The following SDK1 variants were observed in gnomAD, a reference collection of about 807,000 sequenced individuals.
SDK1 encodes the protein protein sidekick-1.
Under a neutral mutation model 245.5 loss-of-function variants are expected in SDK1, and 157 were observed. That is an observed-to-expected ratio of 0.64 (90% CI 0.56 to 0.73). The LOEUF (loss-of-function observed/expected upper bound fraction) is 0.73, where lower values mean the gene tolerates loss of function less well. SDK1 is among the 30% of genes least tolerant of loss of function. The pLI is 0.00. For missense variants in SDK1, 3,583 were observed against 3,002.3 expected (o/e 1.19, Z -4.52); for synonymous variants, 1,647 against 1,278.5 (o/e 1.29, Z -6.15).
chr7:3,664,772 T>C (rs1783476499), intron 4 of SDK1, among the ~76,000 whole-genome samples: 1 of 151,276 alleles, frequency 6.6e-6, no homozygotes. Flanking sequence ...GAACTAGCAA[T>C]AGTCTGATAG....
In SDK1 at chr7:4,165,608, G is replaced by A. The variant is rs146497129; in HGVS notation, c.4800+3752G>A. On this transcript the variant is annotated intron_variant, in intron 32 of 44. Coordinates refer to ENST00000404826, the MANE Select transcript of SDK1 (RefSeq NM_152744.4). The stretch of plus-strand genomic sequence containing the variant: ...GAGTTCAGGTGATTCTTCTGCCTCA[G>A]CCTTCTAAGTAGCTGGGATTACAGG... Among the ~76,000 whole-genome samples, 897 of 152,170 alleles carry A rather than the reference G, an allele frequency of 5.9e-3. 12 individuals are homozygous for A. The highest frequency in any genetic ancestry group is 0.021 in the African/African-American group (856 of 41,518).
At chr7:4,134,708 T>C (rs2128201139) in intron 28 of SDK1, 1 of 152,386 alleles carries the variant, frequency 6.6e-6, no homozygotes, top group South Asian at 2.1e-4. Context: ...TCCCGGCAAG[T>C]CCTCACTCTA....
intron 1 of SDK1, among the ~76,000 whole-genome samples, chr7:3,456,136 T>G (rs1444779440): frequency 3.3e-5 from 5 of 152,350 alleles, no homozygotes; most frequent in Middle Eastern, 3.4e-3. Flanking sequence ...CAGTGTTGTT[T>G]TTCTCACTGA....
intron 1 of SDK1, among the ~76,000 whole-genome samples, chr7:3,469,214 G>C (rs1161097796): frequency 6.6e-6 from 1 of 152,154 alleles, no homozygotes; most frequent in Non-Finnish European, 1.5e-5. Context: ...CTTCAAGCCA[G>C]AAGTTCGAGA....
intron 4 of SDK1, among the ~76,000 whole-genome samples, chr7:3,762,725 G>T (rs1780142800): frequency 6.6e-6 from 1 of 152,154 alleles, no homozygotes; most frequent in African/African-American, 2.4e-5. Flanking sequence ...AACCAAATAT[G>T]TTTTAATTAG....
intron 19 of SDK1, among the ~76,000 whole-genome samples, chr7:4,057,512 C>T (rs116464905): frequency 6.6e-6 from 1 of 152,194 alleles, no homozygotes; most frequent in Admixed American, 6.5e-5. Flanking sequence ...ACCACTGCTA[C>T]TGTCACTGCC....
intron 34 of SDK1, among the ~76,000 whole-genome samples, chr7:4,177,341 A>G (rs577298888): frequency 8.5e-5 from 13 of 152,344 alleles, no homozygotes; most frequent in African/African-American, 2.4e-4. Flanking sequence ...AGCAGTGTTA[A>G]CCAGTGGGAG....
intron 5 of SDK1, among the ~76,000 whole-genome samples, chr7:3,844,342 G>A (rs1485483077): frequency 6.6e-6 from 1 of 152,154 alleles, no homozygotes; most frequent in East Asian, 1.9e-4. Context: ...TCTTTAATTA[G>A]GTTTAGGTAA....
intron 20 of SDK1, among the ~76,000 whole-genome samples, chr7:4,070,291 C>T (rs141721312): frequency 2.0e-4 from 31 of 152,304 alleles, no homozygotes; most frequent in African/African-American, 6.5e-4. Context: ...CCTCATTTCC[C>T]GGTTCACTTT....
chr7:3,583,151 C>T (rs1377250434), intron 1 of SDK1, among the ~76,000 whole-genome samples: 2 of 152,162 alleles, frequency 1.3e-5, no homozygotes, highest in East Asian at 1.9e-4. Flanking sequence ...CTGGTTCCTG[C>T]GTGTAGGCCA....
chr7:3,716,959 T>C (rs1291923194), intron 4 of SDK1, among the ~76,000 whole-genome samples: 1 of 152,146 alleles, frequency 6.6e-6, no homozygotes, highest in African/African-American at 2.4e-5. Flanking sequence ...ACTTTTCACT[T>C]CATGAGTTTC....
chr7:3,352,035 G>A (rs1026164084), intron 1 of SDK1, among the ~76,000 whole-genome samples: 7 of 151,390 alleles, frequency 4.6e-5, no homozygotes, highest in African/African-American at 7.3e-5. Context: ...TTTTTCTTAC[G>A]GAATTATAGA....
At chr7:4,142,282 A>G (rs1424255315) in intron 28 of SDK1, among the ~76,000 whole-genome samples, 1 of 151,910 alleles carries the variant, frequency 6.6e-6, no homozygotes, top group African/African-American at 2.4e-5. Context: ...ACACTGGGTT[A>G]CACATCATTC....
At position 4,035,020 on chromosome 7, in the gene SDK1, C is replaced by T. The variant is rs111751849; in HGVS notation, c.2603-14328C>T. Among the ~76,000 whole-genome samples, 755 of 152,264 alleles carry T rather than the reference C, an allele frequency of 5.0e-3. 11 individuals carry two copies. The highest frequency in any genetic ancestry group is 0.017 in the African/African-American group (722 of 41,556). ...TGGAGACGGAGTCTTGCTCTGTTGC[C>T]CAGGCTGGAGTGCAGTGGCACAGTC... On this transcript the variant is annotated intron_variant, in intron 17 of 44. Coordinates refer to ENST00000404826, the MANE Select transcript of SDK1 (RefSeq NM_152744.4).
chr7:3,368,646 C>A (rs577942506), intron 1 of SDK1, among the ~76,000 whole-genome samples: 10 of 152,192 alleles, frequency 6.6e-5, no homozygotes, highest in African/African-American at 2.4e-4. Context: ...GGGTGAGTGC[C>A]CTGGGGATCT....
chr7:4,217,473 GC>G, intron 38 of SDK1, among the ~76,000 whole-genome samples: 1 of 116,966 alleles, frequency 8.5e-6, no homozygotes, highest in East Asian at 2.5e-4. Flanking sequence ...ACCACCCGGA[GC>G]ACCAGGCCAC....
intron 15 of SDK1, among the ~76,000 whole-genome samples, 157 bp from the exon 16 acceptor site, chr7:4,011,938 G>A (rs1057428251): frequency 5.9e-5 from 9 of 152,080 alleles, no homozygotes; most frequent in South Asian, 2.1e-4. Flanking sequence ...TGTTTCTCAC[G>A]TCCTTTCAGT....
rs548029433 is a variant in SDK1 at position 3,601,538 on chromosome 7, C to T, written c.299-17542C>T. Among the ~76,000 whole-genome samples the T allele has an allele frequency of 2.6e-5, 4 of 151,624 alleles. No individual in the cohort carries two copies. The South Asian group carries it at 8.3e-4, about 31-fold the overall frequency. On this transcript the variant is annotated intron_variant, in intron 1 of 44. Coordinates refer to ENST00000404826, the MANE Select transcript of SDK1 (RefSeq NM_152744.4). ...GTTCATAGTATTCTTTTTTTAATGA[C>T]TTCAATATCTGCAGTGATACCATTG...
chr7:3,890,193 T>G lies in SDK1; in HGVS notation c.848-60730T>G, dbSNP rs149449003. 1.4e-4 allele frequency among the ~76,000 whole-genome samples: 21 copies of G among 152,356 alleles called. No individual in the cohort carries two copies. In the East Asian group the frequency reaches 4.1e-3, roughly 29 times the overall value. ...TCTTGATTCCAGATACAGTGCTCTTTTCACCTGTGGCCTTTCTAGTCTAGA... is the reference window on the plus strand; with the variant it reads ...TCTTGATTCCAGATACAGTGCTCTTGTCACCTGTGGCCTTTCTAGTCTAGA... On this transcript the variant is annotated intron_variant, in intron 5 of 44. Transcript: ENST00000404826.
Sources: gnomAD v4.1 joint callset for allele counts (sites outside exome capture counted in the v4.1 genomes callset) on GRCh38, gnomAD v4.1.1 for gene constraint, MANE v1.5 for transcripts, NCBI Gene and HGNC (gene_info 2026-07-23, HGNC 2026-07-21) for gene names.